Variants in RAD51B observed in about 807,000 individuals in gnomAD.
The protein encoded by RAD51B is RAD51 paralog B, also known as DNA repair protein RAD51 homolog 2.
RAD51B carries 38 observed loss-of-function variants against 42.2 expected under a neutral mutation model. The ratio of observed to expected loss-of-function variants is 0.90; its 90% CI spans 0.70 to 1.18. The LOEUF (loss-of-function observed/expected upper bound fraction) is 1.18, where lower values mean the gene tolerates loss of function less well. Among genes scored for constraint, RAD51B ranks in the 50% most tolerant of loss-of-function variants. The probability of loss-of-function intolerance (pLI) is 0.00; values close to 1 mark genes in which losing one functional copy is unlikely to be tolerated. For synonymous variants in RAD51B, 154 were observed against 145.2 expected (o/e 1.06, Z -0.43); for missense variants, 373 against 400.7 (o/e 0.93, Z 0.59).
chr14:67,837,956 C>G (rs867419543), intron 4 of RAD51B, among the ~76,000 whole-genome samples: 1 of 152,150 alleles, frequency 6.6e-6, no homozygotes, highest in Non-Finnish European at 1.5e-5. Flanking sequence ...TCCCTCTAAC[C>G]ATCTCAGCCT....
chr14:68,261,065 T>G (rs2080878031), intron 7 of RAD51B, among the ~76,000 whole-genome samples: 1 of 152,228 alleles, frequency 6.6e-6, no homozygotes, highest in Non-Finnish European at 1.5e-5. Flanking sequence ...TTTCTTAAGG[T>G]CTCATATCCT....
chr14:68,007,973 A>G (rs1480017284), intron 7 of RAD51B, among the ~76,000 whole-genome samples: 1 of 152,016 alleles, frequency 6.6e-6, no homozygotes, highest in African/African-American at 2.4e-5. Flanking sequence ...TTTGCGTATT[A>G]TATTTTTAAA....
intron 7 of RAD51B, among the ~76,000 whole-genome samples, chr14:68,036,373 G>C (rs2076122968): frequency 6.6e-6 from 1 of 152,176 alleles, no homozygotes; most frequent in African/African-American, 2.4e-5. Flanking sequence ...TCTCTAAACA[G>C]GCCTTTGACA....
intron 7 of RAD51B, among the ~76,000 whole-genome samples, chr14:67,937,849 A>C (rs1201848766): frequency 1.3e-5 from 2 of 152,168 alleles, no homozygotes; most frequent in Admixed American, 1.3e-4. Context: ...GCTGAGTTAC[A>C]TTAAGAAATG....
At chr14:68,279,329 C>T (rs1442343613) in intron 7 of RAD51B, among the ~76,000 whole-genome samples, 1 of 152,230 alleles carries the variant, frequency 6.6e-6, no homozygotes, top group Non-Finnish European at 1.5e-5. Flanking sequence ...TTGATGAAGG[C>T]AGGACGGCTT....
intron 8 of RAD51B, among the ~76,000 whole-genome samples, chr14:68,399,508 T>C (rs1253736963): frequency 6.6e-6 from 1 of 152,160 alleles, no homozygotes; most frequent in Non-Finnish European, 1.5e-5. Flanking sequence ...CCACCCGCCT[T>C]GGCCTCCCAA....
chr14:68,081,468 G>A (rs1194493052), intron 7 of RAD51B, among the ~76,000 whole-genome samples: 2 of 152,216 alleles, frequency 1.3e-5, no homozygotes, highest in Non-Finnish European at 2.9e-5. Flanking sequence ...AGAAGAGTGA[G>A]GGCGGAGTCC....
chr14:68,258,356 G>A (rs905570666), intron 7 of RAD51B, among the ~76,000 whole-genome samples: 1 of 151,706 alleles, frequency 6.6e-6, no homozygotes, highest in Non-Finnish European at 1.5e-5. Flanking sequence ...AGCCATGATT[G>A]CACATGCCAG....
At chr14:68,635,405 C>A (rs927402436) in intron 10 of RAD51B, among the ~76,000 whole-genome samples, 2 of 152,180 alleles carry the variant, frequency 1.3e-5, no homozygotes, top group Non-Finnish European at 2.9e-5. Context: ...AGATGTGATG[C>A]TAACTCAGCG....
At chr14:68,597,801 G>GT (rs934452551), downstream of RAD51B, among the ~76,000 whole-genome samples, 15 of 20,420 alleles carry the variant, frequency 7.3e-4, no homozygotes, top group South Asian at 3.1e-3. Context: ...TAAAATACAA[G>GT]TTAAAAAAAA....
intron 7 of RAD51B, among the ~76,000 whole-genome samples, chr14:68,117,802 A>T (rs2077575589): frequency 6.6e-6 from 1 of 152,224 alleles, no homozygotes; most frequent in Admixed American, 6.5e-5. Flanking sequence ...CACTGTTTAA[A>T]TGAGTGCTAT....
chr14:68,395,055 C>A (rs929187861), intron 8 of RAD51B, among the ~76,000 whole-genome samples: 5 of 152,166 alleles, frequency 3.3e-5, no homozygotes, highest in African/African-American at 1.2e-4. Context: ...CGGCATCCCC[C>A]CCTTTCTTCA....
intron 11 of RAD51B, among the ~76,000 whole-genome samples, chr14:68,681,266 A>AGG (rs1815608862): frequency 2.0e-5 from 3 of 152,178 alleles, no homozygotes; most frequent in Admixed American, 2.0e-4. Context: ...GGTTTATCAG[A>AGG]GGGTTTGGAG....
At chr14:68,423,499 G>A (rs542159531) in intron 9 of RAD51B, among the ~76,000 whole-genome samples, 11 of 152,234 alleles carry the variant, frequency 7.2e-5, no homozygotes, top group African/African-American at 1.9e-4. Flanking sequence ...CACATTGAAC[G>A]TTATGGAGTT....
At chr14:68,259,527 T>C (rs1203740741) in intron 7 of RAD51B, among the ~76,000 whole-genome samples, 1 of 152,196 alleles carries the variant, frequency 6.6e-6, no homozygotes, top group Non-Finnish European at 1.5e-5. Flanking sequence ...AAGTTTTTGC[T>C]AGGTTATCAT....
rs149430982 is a variant in RAD51B at position 68,373,398 on chromosome 14, A to T, written c.854-38026A>T. Among the ~76,000 whole-genome samples, 124 of 152,316 alleles carry T rather than the reference A, an allele frequency of 8.1e-4. No individual in the cohort carries two copies. The East Asian group carries it at 0.019, about 23-fold the overall frequency. On this transcript the variant is annotated intron_variant, in intron 8 of 10. Transcript: ENST00000471583. Reference sequence around the variant, plus strand: ...AATGCCCATCAATGATAGACTGGATAAAGAAAATGTGGCACATATACACTA... The same window carrying T: ...AATGCCCATCAATGATAGACTGGATTAAGAAAATGTGGCACATATACACTA...
At chr14:67,972,328 C>G (rs1480625981) in intron 7 of RAD51B, among the ~76,000 whole-genome samples, 1 of 151,974 alleles carries the variant, frequency 6.6e-6, no homozygotes, top group Non-Finnish European at 1.5e-5. Context: ...ATTGGCAGCT[C>G]TACTATCTGA....
intron 7 of RAD51B, among the ~76,000 whole-genome samples, chr14:68,004,967 C>T (rs58052505): frequency 2.7e-5 from 4 of 146,170 alleles, no homozygotes; most frequent in Non-Finnish European, 6.0e-5. Context: ...GTGCAGTATA[C>T]TATTTTGTGA....
At chr14:68,130,592 C>T (rs2077867095) in intron 7 of RAD51B, among the ~76,000 whole-genome samples, 1 of 152,198 alleles carries the variant, frequency 6.6e-6, no homozygotes. Context: ...GAAATTCAAA[C>T]AAAATGTCTA....
Sources: gnomAD v4.1 joint callset for allele counts (sites outside exome capture counted in the v4.1 genomes callset) on GRCh38, gnomAD v4.1.1 for gene constraint, MANE v1.5 for transcripts, NCBI Gene and HGNC (gene_info 2026-07-23, HGNC 2026-07-21) for gene names.